The following ANO6 variants were observed in gnomAD, a reference collection of about 807,000 sequenced individuals.
ANO6 encodes the protein anoctamin-6.
In ANO6, 106 loss-of-function variants were observed where a neutral mutation model predicts 117.5. The observed-to-expected ratio is 0.90, with a 90% CI of 0.77 to 1.06. The LOEUF is 1.06. Among genes scored for constraint, ANO6 ranks in the 50% least tolerant of loss-of-function variants. ANO6 has a pLI of 0.00. For missense variants in ANO6, 955 were observed against 1,121.1 expected, an observed-to-expected ratio of 0.85 and a Z score of 2.12; for synonymous variants, 367 against 385.1, an observed-to-expected ratio of 0.95 and a Z score of 0.55.
chr12:45,396,498 A>T (rs1339602045), intron 12 of ANO6, among the ~76,000 whole-genome samples: 1 of 152,216 alleles, frequency 6.6e-6, no homozygotes, highest in Non-Finnish European at 1.5e-5. Flanking sequence ...ACTAAAGTTC[A>T]TATGGAACCA....
intron 1 of ANO6, among the ~76,000 whole-genome samples, chr12:45,293,961 A>C (rs1939205217): frequency 6.6e-6 from 1 of 152,032 alleles, no homozygotes; most frequent in Admixed American, 6.6e-5. Flanking sequence ...TTTACTAGAC[A>C]TCCAAATTAG....
At chr12:45,291,186 A>G (rs73281436) in intron 1 of ANO6, among the ~76,000 whole-genome samples, 2,423 of 152,148 alleles carry the variant, frequency 0.016, 55 homozygotes, top group African/African-American at 0.054. Context: ...TGAAGAAAAC[A>G]TAAGGGAATA....
At chr12:45,401,317 A>G (rs1039821516) in intron 12 of ANO6, among the ~76,000 whole-genome samples, 1 of 152,190 alleles carries the variant, frequency 6.6e-6, no homozygotes, top group South Asian at 2.1e-4. Flanking sequence ...TAGCTCCCTC[A>G]TGGAGTATGA....
intron 1 of ANO6, among the ~76,000 whole-genome samples, chr12:45,281,425 T>C (rs1398254367): frequency 1.3e-5 from 2 of 152,202 alleles, no homozygotes; most frequent in Admixed American, 1.3e-4. Flanking sequence ...TTCTGCAGGC[T>C]ATACAGGAAG....
At chr12:45,235,960 C>T (rs927705459) in intron 1 of ANO6, among the ~76,000 whole-genome samples, 3 of 152,200 alleles carry the variant, frequency 2.0e-5, no homozygotes, top group Admixed American at 1.3e-4. Context: ...GTGCCCCTTC[C>T]GGGATCCTGG....
At position 45,429,818 on chromosome 12, in the gene ANO6, A is replaced by G. The variant is rs567756941; in HGVS notation, c.*507A>G. ...AGCTAACTAGACTCAAGGATTCACA[A>G]TATTTAGGTGTATTTTCAATACCTC... On this transcript the variant is annotated 3_prime_UTR_variant, in exon 20 of 20. Transcript: ENST00000320560. 4.3e-5 allele frequency: 43 copies of G among 992,958 alleles called. No homozygotes were observed. Among genetic ancestry groups the G allele is most frequent in the Non-Finnish European group, 4.9e-5 (41 of 834,210 alleles). The allele number at this position is 992,958 out of a possible 1,614,324, so 61.5% of individuals were successfully genotyped here.
intron 1 of ANO6, among the ~76,000 whole-genome samples, chr12:45,298,695 C>T (rs1196543971): frequency 1.3e-5 from 2 of 152,146 alleles, no homozygotes; most frequent in Non-Finnish European, 2.9e-5. Flanking sequence ...TATTAGTTTC[C>T]ATTACCAGCA....
chr12:45,276,232 A>G (rs1480194747), intron 1 of ANO6, among the ~76,000 whole-genome samples: 1 of 152,128 alleles, frequency 6.6e-6, no homozygotes, highest in Non-Finnish European at 1.5e-5. Context: ...CTCTGTCTCC[A>G]CTACTATCAT....
chr12:45,253,596 A>C (rs1198189088), intron 1 of ANO6, among the ~76,000 whole-genome samples: 1 of 152,188 alleles, frequency 6.6e-6, no homozygotes, highest in Non-Finnish European at 1.5e-5. Flanking sequence ...AGGCCTCAAA[A>C]CATGAAAATG....
rs572767008 is a variant in ANO6, at chr12:45,286,698, T to C, written c.71-15316T>C. Among the ~76,000 whole-genome samples, 279 of 152,306 alleles carry C rather than the reference T, an allele frequency of 1.8e-3. 1 individual carries two copies. The highest frequency in any genetic ancestry group is 6.1e-3 in the African/African-American group (253 of 41,570). ...ACTTCAGGCAGGATTAAGCATAACA[T>C]TTTTTCCCCTCTCATTTGCAATACA... On this transcript the variant is annotated intron_variant, in intron 1 of 19. Coordinates refer to ENST00000320560, the MANE Select transcript of ANO6 (RefSeq NM_001025356.3).
intron 1 of ANO6, among the ~76,000 whole-genome samples, chr12:45,260,414 C>T (rs1937985740): frequency 6.6e-6 from 1 of 152,194 alleles, no homozygotes; most frequent in Admixed American, 6.5e-5. Flanking sequence ...GATGCAATCT[C>T]AGACTCGATC....
At chr12:45,221,006 G>T (rs1947387876) in intron 1 of ANO6, among the ~76,000 whole-genome samples, 1 of 152,154 alleles carries the variant, frequency 6.6e-6, no homozygotes, top group South Asian at 2.1e-4. Flanking sequence ...TTTGTAGCCG[G>T]TGGGTCAGAA....
chr12:45,240,351 A>ATT (rs57126852), intron 1 of ANO6, among the ~76,000 whole-genome samples: 4 of 30,738 alleles, frequency 1.3e-4, no homozygotes, highest in Non-Finnish European at 2.6e-4. Context: ...GCAACCCCTG[A>ATT]TTTTTTTTTT....
intron 1 of ANO6, among the ~76,000 whole-genome samples, chr12:45,264,784 T>A (rs552178195): frequency 6.6e-6 from 1 of 152,328 alleles, no homozygotes; most frequent in South Asian, 2.1e-4. Flanking sequence ...TTATCTTCAG[T>A]TGAACTTCAT....
intron 2 of ANO6, among the ~76,000 whole-genome samples, chr12:45,329,997 A>T (rs1940609092): frequency 6.6e-6 from 1 of 152,142 alleles, no homozygotes; most frequent in Non-Finnish European, 1.5e-5. Context: ...TAAGACATGG[A>T]TGTGTCTTTG....
intron 1 of ANO6, among the ~76,000 whole-genome samples, chr12:45,233,255 G>A (rs946440527): frequency 2.6e-5 from 4 of 152,162 alleles, no homozygotes; most frequent in Admixed American, 2.0e-4. Flanking sequence ...CCTAATATTA[G>A]AGAATCACAC....
chr12:45,285,653 C>CGGGAGGCAGAGGTTGCA (rs1210090455), intron 1 of ANO6, among the ~76,000 whole-genome samples: 8 of 150,682 alleles, frequency 5.3e-5, no homozygotes, highest in African/African-American at 2.0e-4. Flanking sequence ...CGCTTGAACC[C>CGGGAGGCAGAGGTTGCA]GGGAGGCAGA....
intron 2 of ANO6, among the ~76,000 whole-genome samples, chr12:45,317,773 T>G (rs897374429): frequency 1.3e-5 from 2 of 152,214 alleles, no homozygotes; most frequent in African/African-American, 4.8e-5. Context: ...CCACATCCAC[T>G]CCAGCACCTG....
intron 7 of ANO6, among the ~76,000 whole-genome samples, chr12:45,352,643 A>G (rs1455411315): frequency 6.6e-6 from 1 of 150,692 alleles, no homozygotes; most frequent in Admixed American, 6.6e-5. Context: ...AGAAGGGAGA[A>G]TTGCTCGAGT....
Sources: gnomAD v4.1 joint callset for allele counts (sites outside exome capture counted in the v4.1 genomes callset) on GRCh38, gnomAD v4.1.1 for gene constraint, MANE v1.5 for transcripts, NCBI Gene and HGNC (gene_info 2026-07-23, HGNC 2026-07-21) for gene names.